The following B4GALNT3 variants were observed in gnomAD, a reference collection of about 807,000 sequenced individuals.
The protein encoded by B4GALNT3 is beta-1,4-N-acetyl-galactosaminyltransferase 3.
B4GALNT3 carries 86 observed loss-of-function variants against 120.2 expected under a neutral mutation model. The observed-to-expected ratio is 0.72, with a 90% CI of 0.60 to 0.86. The LOEUF (loss-of-function observed/expected upper bound fraction) is 0.86, where lower values mean the gene tolerates loss of function less well. B4GALNT3 is among the 40% of genes least tolerant of loss of function. The pLI, the probability that B4GALNT3 is intolerant of heterozygous loss-of-function variation, is 0.00. For missense variants in B4GALNT3, 1,167 were observed against 1,298.9 expected, an observed-to-expected ratio of 0.90 and a Z score of 1.56; for synonymous variants, 518 against 510.4, an observed-to-expected ratio of 1.01 and a Z score of -0.20.
rs759575390 is a variant in B4GALNT3 at position 536,270 on chromosome 12, A to G, written c.326A>G (p.Asn109Ser). ...AGTAACAGCAGCTACTTGAAGTGGA[A>G]CAAGCCTGTCCCCTGGCTCTCAGAG... ...VSSNSSYLKW[N>S]KPVPWLSEFR... The change falls in exon 3 of 20, where the codon AAC becomes AGC. Residue 109 changes from asparagine to serine, a missense_variant. Physicochemically the swap from Asn to Ser is conservative, Grantham distance 46 (BLOSUM62 1). This residue lies in a region of B4GALNT3 where 171 missense variants were observed against 161.3 expected (regional missense o/e 1.06). Transcript: ENST00000266383. 6.2e-7 allele frequency: 1 copy of G among 1,614,100 alleles called. No homozygotes were observed. The highest frequency in any genetic ancestry group is 8.5e-7 in the Non-Finnish European group (1 of 1,179,948).
intron 1 of B4GALNT3, among the ~76,000 whole-genome samples, chr12:531,344 A>G (rs1946806001): frequency 2.0e-5 from 3 of 151,648 alleles, no homozygotes; most frequent in African/African-American, 7.3e-5. Context: ...ACTGCTTACT[A>G]CTCTGGTCAA....
chr12:479,320 C>T (rs917350210), intron 1 of B4GALNT3, among the ~76,000 whole-genome samples: 8 of 152,152 alleles, frequency 5.3e-5, no homozygotes, highest in Admixed American at 2.6e-4. Context: ...AGCTGGGTTA[C>T]AAGCACGTGC....
intron 1 of B4GALNT3, among the ~76,000 whole-genome samples, chr12:478,476 T>C (rs999501882): frequency 1.3e-5 from 2 of 152,152 alleles, no homozygotes; most frequent in East Asian, 3.8e-4. Context: ...AGCTATCAAA[T>C]TGGAAGTCAA....
At chr12:504,031 C>T (rs912195559) in intron 1 of B4GALNT3, among the ~76,000 whole-genome samples, 1 of 151,876 alleles carries the variant, frequency 6.6e-6, no homozygotes, top group African/African-American at 2.4e-5. Context: ...AGGAGAATCA[C>T]TTGAACCTCG....
chr12:515,835 G>A lies in B4GALNT3; in HGVS notation c.170-19331G>A, dbSNP rs527758839. ...CTATGTGCTGGGCATAATGAAAAAA[G>A]TAGACAAAAATCCTGCTTTCAGCCG... On this transcript the variant is annotated intron_variant, in intron 1 of 19. Coordinates refer to ENST00000266383, the MANE Select transcript of B4GALNT3 (RefSeq NM_173593.4). Among the ~76,000 whole-genome samples the A allele has an allele frequency of 1.5e-3, 221 of 152,168 alleles. 2 individuals are homozygous for A. The highest frequency in any genetic ancestry group is 5.1e-3 in the African/African-American group (212 of 41,546).
intron 1 of B4GALNT3, among the ~76,000 whole-genome samples, chr12:488,824 AAAAG>A (rs1946314226): frequency 2.0e-5 from 3 of 152,012 alleles, no homozygotes; most frequent in Admixed American, 2.0e-4. Flanking sequence ...TGTGAAAAAG[AAAAG>A]AAAGAAAAGA....
chr12:521,689 G>A (rs572126068), intron 1 of B4GALNT3, among the ~76,000 whole-genome samples: 56 of 152,258 alleles, frequency 3.7e-4, no homozygotes, highest in Non-Finnish European at 5.0e-4. Context: ...AAAATGCCAC[G>A]TTCAGTGGGA....
At chr12:541,690 T>G (rs1480352983) in intron 3 of B4GALNT3, among the ~76,000 whole-genome samples, 1 of 152,158 alleles carries the variant, frequency 6.6e-6, no homozygotes, top group East Asian at 1.9e-4. Flanking sequence ...GCCAGGTAGC[T>G]CCTCTTCCCA....
At chr12:532,740 G>T (rs1212605939) in intron 1 of B4GALNT3, among the ~76,000 whole-genome samples, 1 of 152,152 alleles carries the variant, frequency 6.6e-6, no homozygotes, top group Admixed American at 6.5e-5. Flanking sequence ...ATGAGGTCTT[G>T]TAAAAAAGAG....
chr12:526,507 C>A (rs1946760648), intron 1 of B4GALNT3, among the ~76,000 whole-genome samples: 1 of 152,176 alleles, frequency 6.6e-6, no homozygotes, highest in South Asian at 2.1e-4. Flanking sequence ...GGTCCATGGG[C>A]TCCGGCCAGT....
intron 1 of B4GALNT3, among the ~76,000 whole-genome samples, chr12:503,988 G>A (rs1034999922): frequency 2.0e-5 from 3 of 152,030 alleles, no homozygotes; most frequent in Admixed American, 1.3e-4. Flanking sequence ...GGTGGCACGC[G>A]CCTGTAGTCC....
intron 9 of B4GALNT3, among the ~76,000 whole-genome samples, chr12:549,468 C>G (rs1251576483): frequency 1.3e-5 from 2 of 152,224 alleles, no homozygotes; most frequent in African/African-American, 4.8e-5. Flanking sequence ...ATAAATTAGG[C>G]GTACTTAATG....
intron 1 of B4GALNT3, among the ~76,000 whole-genome samples, chr12:515,977 A>AACACAC (rs141833807): frequency 2.6e-5 from 4 of 151,540 alleles, no homozygotes; most frequent in African/African-American, 9.7e-5. Flanking sequence ...CTCTACTAAA[A>AACACAC]ACACACACAC....
At chr12:520,785 C>A (rs527488602) in intron 1 of B4GALNT3, among the ~76,000 whole-genome samples, 1 of 152,194 alleles carries the variant, frequency 6.6e-6, no homozygotes, top group Non-Finnish European at 1.5e-5. Context: ...AGCGAGACTC[C>A]GTCTCAAATA....
intron 1 of B4GALNT3, among the ~76,000 whole-genome samples, chr12:488,529 G>T (rs1015694592): frequency 1.7e-4 from 26 of 152,312 alleles, no homozygotes; most frequent in African/African-American, 5.3e-4. Context: ...AGATGAATAG[G>T]CAGAATTAGG....
At chr12:556,490 T>C in intron 14 of B4GALNT3, 57 bp from the exon 15 acceptor site, 1 of 1,509,080 alleles carries the variant, frequency 6.6e-7, no homozygotes, top group South Asian at 1.2e-5. Flanking sequence ...TCACACACCG[T>C]GCTACCCTCC....
Position 548,359 on chromosome 12 carries a change from G to C in B4GALNT3, c.853+62G>C. ...CAGGTGGGGACAGCCTACCCTGGGGGATTTGGCAGGGGAGGAGGGGAGGAG... is the reference window on the plus strand; with the variant it reads ...CAGGTGGGGACAGCCTACCCTGGGGCATTTGGCAGGGGAGGAGGGGAGGAG... On this transcript the variant is annotated intron_variant, in intron 9 of 19. Transcript: ENST00000266383. The surrounding 1 kb of genome is among the most constrained non-coding windows in gnomAD (Gnocchi z 4.9). The C allele has an allele frequency of 6.6e-7, 1 of 1,522,396 alleles. No homozygotes were observed. Among genetic ancestry groups the C allele is most frequent in the South Asian group, 1.1e-5 (1 of 88,896 alleles). The allele number at this position is 1,522,396 out of a possible 1,614,324, so 94.3% of individuals were successfully genotyped here. A position where few individuals can be genotyped will look rare whatever the true frequency, so the allele number is the denominator to read the frequency against.
Position 463,203 on chromosome 12 carries a change from G to C in B4GALNT3, c.169+2658G>C, listed in dbSNP as rs7971251. Reference sequence around the variant, plus strand: ...CTTTCATTTGCCTGTCCCTGTGTTGGATCTGGTGCTGGAAGAAGAGTATGG... The same window carrying C: ...CTTTCATTTGCCTGTCCCTGTGTTGCATCTGGTGCTGGAAGAAGAGTATGG... On this transcript the variant is annotated intron_variant, in intron 1 of 19. Transcript: ENST00000266383. 3.9e-5 allele frequency among the ~76,000 whole-genome samples: 6 copies of C among 152,322 alleles called. No homozygotes were observed. The South Asian group carries it at 1.2e-3, about 32-fold the overall frequency.
intron 1 of B4GALNT3, among the ~76,000 whole-genome samples, chr12:534,629 G>T (rs1161946774): frequency 6.6e-6 from 1 of 152,000 alleles, no homozygotes; most frequent in Non-Finnish European, 1.5e-5. Flanking sequence ...TATCTCCAGT[G>T]GTTTATACCT....
Sources: allele counts gnomAD v4.1 joint callset (sites outside exome capture counted in the v4.1 genomes callset), GRCh38; gene constraint gnomAD v4.1.1; regional missense constraint gnomAD v4.1.1; non-coding constraint Gnocchi (gnomAD v3.1); transcripts MANE v1.5; gene names NCBI Gene and HGNC (gene_info 2026-07-23, HGNC 2026-07-21).